The following MCTP1 variants were observed in gnomAD, a reference collection of about 807,000 sequenced individuals.
The protein encoded by MCTP1 is multiple C2 and transmembrane domain containing 1.
Under a neutral mutation model 120.6 loss-of-function variants are expected in MCTP1, and 69 were observed. That is an observed-to-expected ratio of 0.57 (90% CI 0.47 to 0.70). The LOEUF (loss-of-function observed/expected upper bound fraction) is 0.70. MCTP1 is among the 30% of genes least tolerant of loss of function. MCTP1 has a pLI of 0.00. For synonymous variants in MCTP1, 529 were observed against 493.1 expected (o/e 1.07, Z -0.96); for missense variants, 1,203 against 1,248.8 (o/e 0.96, Z 0.55).
At chr5:94,995,446 T>G (rs1315230412) in intron 2 of MCTP1, among the ~76,000 whole-genome samples, 1 of 152,156 alleles carries the variant, frequency 6.6e-6, no homozygotes, top group Non-Finnish European at 1.5e-5. Flanking sequence ...GTTAAATGAG[T>G]AAGTCCACTT....
chr5:95,137,588 A>G (rs1259558015), intron 1 of MCTP1, among the ~76,000 whole-genome samples: 1 of 152,208 alleles, frequency 6.6e-6, no homozygotes, highest in Non-Finnish European at 1.5e-5. Context: ...AGCTTTGGCC[A>G]CTACTAAGAT....
intron 1 of MCTP1, among the ~76,000 whole-genome samples, chr5:95,276,334 T>C (rs1466398059): frequency 7.1e-6 from 1 of 140,604 alleles, no homozygotes; most frequent in African/African-American, 2.6e-5. Flanking sequence ...TCTCAGCTCA[T>C]TGCAACCTCT....
At chr5:95,230,824 A>T (rs1463565977) in intron 1 of MCTP1, among the ~76,000 whole-genome samples, 8 of 152,248 alleles carry the variant, frequency 5.3e-5, no homozygotes, top group Non-Finnish European at 1.2e-4. Context: ...CTGTAAGAAC[A>T]TCCCCACACA....
At chr5:95,264,380 T>C (rs1031569929) in intron 1 of MCTP1, among the ~76,000 whole-genome samples, 2 of 152,222 alleles carry the variant, frequency 1.3e-5, no homozygotes, top group Admixed American at 1.3e-4. Context: ...ATATACACTT[T>C]AAAATTCCAT....
At chr5:94,819,859 T>C (rs999253991) in intron 17 of MCTP1, among the ~76,000 whole-genome samples, 3 of 152,206 alleles carry the variant, frequency 2.0e-5, no homozygotes, top group African/African-American at 7.2e-5. Flanking sequence ...TTCTGGAACT[T>C]TTCAAGATGG....
Position 95,104,353 on chromosome 5 carries a change from A to AGGTCATACATTGAATAACCT in MCTP1, c.721-86870_721-86869insAGGTTATTCAATGTATGACC, listed in dbSNP as rs1201357821. 5.5e-3 allele frequency among the ~76,000 whole-genome samples: 844 copies of AGGTCATACATTGAATAACCT among 152,316 alleles called. 7 individuals carry two copies. Among genetic ancestry groups the AGGTCATACATTGAATAACCT allele is most frequent in the African/African-American group, 0.019 (798 of 41,570 alleles). ...TAAGTTTGAGGTTTTATTCAATGTC[A>AGGTCATACATTGAATAACCT]GGTCATACATTAGAAACTTTGTTAT... On this transcript the variant is annotated intron_variant, in intron 1 of 22. Coordinates refer to ENST00000515393, the MANE Select transcript of MCTP1 (RefSeq NM_024717.7).
rs553013935 is a variant in MCTP1 at position 94,966,721 on chromosome 5, G to A, written c.839-13360C>T. Among the ~76,000 whole-genome samples, 3 of 152,110 alleles carry A rather than the reference G, an allele frequency of 2.0e-5. No individual in the cohort carries two copies. The South Asian group carries it at 6.2e-4, about 32-fold the overall frequency. On this transcript the variant is annotated intron_variant, in intron 2 of 22. Transcript: ENST00000515393. ...GAGGCAGGAGAATGGCGTGAACCTGGGAGACGGAGGTTGCAGTGAGCCGAG... is the reference window on the plus strand; with the variant it reads ...GAGGCAGGAGAATGGCGTGAACCTGAGAGACGGAGGTTGCAGTGAGCCGAG...
intron 1 of MCTP1, among the ~76,000 whole-genome samples, chr5:95,265,966 G>A (rs981382033): frequency 2.0e-5 from 3 of 152,208 alleles, no homozygotes; most frequent in African/African-American, 7.2e-5. Context: ...CCAAAGAAGA[G>A]TCTCATATAA....
chr5:94,779,315 T>C (rs1431737003), intron 18 of MCTP1, 152 bp from the exon 19 acceptor site: 3 of 672,780 alleles, frequency 4.5e-6, no homozygotes, highest in Non-Finnish European at 5.3e-6. Context: ...ATTAGGAAAA[T>C]GCTCTGCCTT....
intron 1 of MCTP1, among the ~76,000 whole-genome samples, chr5:95,045,975 C>T (rs1486573967): frequency 6.6e-6 from 1 of 152,106 alleles, no homozygotes; most frequent in Non-Finnish European, 1.5e-5. Flanking sequence ...AATAATGGGT[C>T]ATGCTTCATT....
intron 17 of MCTP1, among the ~76,000 whole-genome samples, chr5:94,854,119 A>T (rs183571417): frequency 6.6e-6 from 1 of 151,926 alleles, no homozygotes; most frequent in Non-Finnish European, 1.5e-5. Flanking sequence ...CATCTGTTGC[A>T]TAATGGGCCT....
chr5:95,094,042 AG>A (rs1258720139), intron 1 of MCTP1, among the ~76,000 whole-genome samples: 3 of 152,222 alleles, frequency 2.0e-5, no homozygotes, highest in Non-Finnish European at 2.9e-5. Context: ...TGGATCCTCA[AG>A]CCCCCAGTTG....
chr5:95,202,136 T>C (rs1275997541), intron 1 of MCTP1, among the ~76,000 whole-genome samples: 2 of 152,176 alleles, frequency 1.3e-5, no homozygotes, highest in Non-Finnish European at 2.9e-5. Flanking sequence ...GGTAGAACCC[T>C]GCAGCTGGCT....
At chr5:95,099,361 G>A (rs376470291) in intron 1 of MCTP1, among the ~76,000 whole-genome samples, 8 of 150,978 alleles carry the variant, frequency 5.3e-5, no homozygotes, top group African/African-American at 9.7e-5. Flanking sequence ...GAAAATTTTC[G>A]CAACCTACTC....
rs1756704096 is a variant in MCTP1, at chr5:94,710,927, A to G, written c.2721T>C (p.Asn907=). The change falls in exon 21 of 23, where the codon AAT becomes AAC. Residue 907 remains asparagine, a splice_region_variant and synonymous_variant. Coordinates refer to ENST00000515393, the MANE Select transcript of MCTP1 (RefSeq NM_024717.7). ...EVASFGERIK[N]TFNWTVPFLS... is the part of the protein sequence containing the mutation. ...AGAATGGGACAGTCCAGTTGAAAGTACTGAATGGAAAATTAACACATCAGC... is the reference window on the plus strand; with the variant it reads ...AGAATGGGACAGTCCAGTTGAAAGTGCTGAATGGAAAATTAACACATCAGC... The G allele has an allele frequency of 6.2e-7, 1 of 1,603,014 alleles. No homozygotes were observed. Among genetic ancestry groups the G allele is most frequent in the East Asian group, 2.2e-5 (1 of 44,730 alleles).
chr5:94,791,112 CAAAA>C (rs60394333), intron 18 of MCTP1, among the ~76,000 whole-genome samples: 44 of 99,660 alleles, frequency 4.4e-4, no homozygotes, highest in African/African-American at 1.3e-3. Context: ...GTCTCTACTA[CAAAA>C]AAAAAAAAAA....
intron 2 of MCTP1, among the ~76,000 whole-genome samples, chr5:94,958,583 A>G (rs1184936363): frequency 1.3e-5 from 2 of 151,924 alleles, no homozygotes; most frequent in African/African-American, 4.8e-5. Context: ...TGATAAAGGC[A>G]GTATCACCAC....
chr5:94,724,467 G>T (rs976457379), intron 19 of MCTP1, among the ~76,000 whole-genome samples: 1 of 149,046 alleles, frequency 6.7e-6, no homozygotes, highest in African/African-American at 2.5e-5. Context: ...GCCCAGGCTA[G>T]TCTCAAATTC....
intron 12 of MCTP1, among the ~76,000 whole-genome samples, chr5:94,884,793 T>G (rs1033854881): frequency 6.6e-6 from 1 of 152,212 alleles, no homozygotes; most frequent in Non-Finnish European, 1.5e-5. Context: ...ATAATAAGAC[T>G]CTCACGGAAG....
Sources: gnomAD v4.1 joint callset for allele counts (sites outside exome capture counted in the v4.1 genomes callset) on GRCh38, gnomAD v4.1.1 for gene constraint, MANE v1.5 for transcripts, NCBI Gene and HGNC (gene_info 2026-07-23, HGNC 2026-07-21) for gene names.